B4GALT5: variants seen among roughly 807,000 people sequenced by gnomAD.
The protein encoded by B4GALT5 is UDP-Gal:beta-GlcNAc beta-1,4-galactosyltransferase 5.
A neutral mutation model predicts 45.0 loss-of-function variants in B4GALT5; 11 were observed. The observed-to-expected ratio is 0.24, with a 90% confidence interval of 0.15 to 0.40. The LOEUF (loss-of-function observed/expected upper bound fraction) is 0.40. B4GALT5 is among the 10% of genes least tolerant of loss of function. The pLI is 1.00. For missense variants in B4GALT5, 337 were observed against 500.2 expected, an observed-to-expected ratio of 0.67 and a Z score of 3.11; for synonymous variants, 185 against 182.9, an observed-to-expected ratio of 1.01 and a Z score of -0.09.
At chr20:49,694,273 G>A (rs1053521145) in intron 1 of B4GALT5, among the ~76,000 whole-genome samples, 4 of 152,000 alleles carry the variant, frequency 2.6e-5, no homozygotes, top group South Asian at 4.1e-4. Flanking sequence ...ACCTACCACC[G>A]ATTTGCGCAT....
intron 1 of B4GALT5, among the ~76,000 whole-genome samples, chr20:49,688,379 G>A (rs1378644216): frequency 6.6e-6 from 1 of 152,130 alleles, no homozygotes; most frequent in Non-Finnish European, 1.5e-5. Context: ...ACACCATGGG[G>A]GAAGGGCCCC....
chr20:49,654,240 G>A (rs1280664053), intron 2 of B4GALT5, among the ~76,000 whole-genome samples: 4 of 152,052 alleles, frequency 2.6e-5, no homozygotes, highest in Middle Eastern at 3.2e-3. Flanking sequence ...ATCAAGCTGC[G>A]CCATCTTCCC....
At chr20:49,696,248 A>T (rs1273029087) in intron 1 of B4GALT5, among the ~76,000 whole-genome samples, 1 of 152,250 alleles carries the variant, frequency 6.6e-6, no homozygotes, top group Admixed American at 6.5e-5. Context: ...AAGTCCAAAC[A>T]GGTTTCTGAG....
chr20:49,659,705 C>A (rs1047754152), intron 1 of B4GALT5, among the ~76,000 whole-genome samples: 1 of 152,148 alleles, frequency 6.6e-6, no homozygotes, highest in African/African-American at 2.4e-5. Flanking sequence ...TACTGGGGAA[C>A]TATGACCTCC....
At chr20:49,703,962 T>C (rs2085873628) in intron 1 of B4GALT5, among the ~76,000 whole-genome samples, 1 of 152,164 alleles carries the variant, frequency 6.6e-6, no homozygotes, top group African/African-American at 2.4e-5. Flanking sequence ...TCATTTTTGG[T>C]CTATCTGGTT....
chr20:49,707,562 T>C (rs1232460898), intron 1 of B4GALT5, among the ~76,000 whole-genome samples: 3 of 152,104 alleles, frequency 2.0e-5, no homozygotes, highest in Non-Finnish European at 4.4e-5. Context: ...AATCTGAAAT[T>C]TTCATGTGGT....
intron 1 of B4GALT5, among the ~76,000 whole-genome samples, chr20:49,697,741 CCCTTT>C (rs2085845490): frequency 6.6e-6 from 1 of 152,122 alleles, no homozygotes; most frequent in Admixed American, 6.5e-5. Context: ...GGGATGGAAT[CCCTTT>C]CACCTTTATA....
intron 4 of B4GALT5, 110 bp downstream of exon 4, chr20:49,643,416 G>T: frequency 7.2e-7 from 1 of 1,392,654 alleles, no homozygotes; most frequent in Non-Finnish European, 9.9e-7. Context: ...GCATGGAATG[G>T]TAGGATGAAA....
chr20:49,691,572 G>A (rs978174012), intron 1 of B4GALT5, among the ~76,000 whole-genome samples: 1 of 152,002 alleles, frequency 6.6e-6, no homozygotes, highest in African/African-American at 2.4e-5. Flanking sequence ...ATATGGTAGA[G>A]TCCACATTTT....
At chr20:49,677,519 A>G (rs1002184298) in intron 1 of B4GALT5, among the ~76,000 whole-genome samples, 1 of 152,244 alleles carries the variant, frequency 6.6e-6, no homozygotes, top group Admixed American at 6.5e-5. Flanking sequence ...TAATTATGTT[A>G]AAGTAAGTCT....
intron 1 of B4GALT5, among the ~76,000 whole-genome samples, chr20:49,708,533 T>C (rs1199647939): frequency 6.6e-6 from 1 of 152,346 alleles, no homozygotes; most frequent in Middle Eastern, 3.4e-3. Context: ...AAGCCAGCCA[T>C]AAATCAAATT....
Position 49,656,778 on chromosome 20 carries a change from ATTT to A in B4GALT5, c.116-79_116-77del, listed in dbSNP as rs536139427. The A allele has an allele frequency of 5.3e-5, 80 of 1,518,180 alleles. No homozygotes were observed. In the African/African-American group the frequency reaches 9.2e-4, roughly 18 times the overall value. 94.0% of individuals were successfully genotyped at this position (1,518,180 alleles called of 1,614,324 possible). On this transcript the variant is annotated intron_variant, in intron 1 of 8. Coordinates refer to ENST00000371711, the MANE Select transcript of B4GALT5 (RefSeq NM_004776.4). ...AAAAAAACATACCACATAGCTATGG[ATTT>A]TTTTTTCTTTTTGGACTTTTAAAGC...
In B4GALT5 at chr20:49,684,236, G is replaced by A. The variant is rs142135452; in HGVS notation, c.116-27534C>T. On this transcript the variant is annotated intron_variant, in intron 1 of 8. Transcript: ENST00000371711. Reference sequence around the variant, plus strand: ...TAAGGGAGTCTTGTATATGGTGAGCGCTAATGTGTTCATTCAGAATTTACT... The same window carrying A: ...TAAGGGAGTCTTGTATATGGTGAGCACTAATGTGTTCATTCAGAATTTACT... 2.8e-3 allele frequency among the ~76,000 whole-genome samples: 432 copies of A among 151,874 alleles called. 4 individuals are homozygous for A. The highest frequency in any genetic ancestry group is 9.9e-3 in the African/African-American group (408 of 41,400).
Position 49,687,728 on chromosome 20 carries a change from G to C in B4GALT5, c.115+25848C>G, listed in dbSNP as rs571324332. Among the ~76,000 whole-genome samples the C allele has an allele frequency of 2.3e-4, 35 of 152,124 alleles. No homozygotes were observed. The South Asian group carries it at 7.1e-3, about 31-fold the overall frequency. On this transcript the variant is annotated intron_variant, in intron 1 of 8. Coordinates refer to ENST00000371711, the MANE Select transcript of B4GALT5 (RefSeq NM_004776.4). ...CTGAATATTTCTTCCTTAGTAAATG[G>C]AGCACAGACTAGCATCACCTTTTCT...
At chr20:49,693,311 G>A (rs1007798654) in intron 1 of B4GALT5, among the ~76,000 whole-genome samples, 1 of 152,132 alleles carries the variant, frequency 6.6e-6, no homozygotes, top group African/African-American at 2.4e-5. Flanking sequence ...CCACCACAGG[G>A]ACTTTGCTAA....
At chr20:49,647,109 A>G in intron 2 of B4GALT5, 31 bp from the exon 3 acceptor site, 10 of 1,413,440 alleles carry the variant, frequency 7.1e-6, no homozygotes, top group Non-Finnish European at 9.0e-6. Flanking sequence ...AGTCGATCAG[A>G]CTGGTATGTG....
intron 1 of B4GALT5, among the ~76,000 whole-genome samples, chr20:49,680,331 T>C (rs181693958): frequency 2.2e-4 from 33 of 152,242 alleles, no homozygotes; most frequent in Non-Finnish European, 4.4e-4. Context: ...CTGTCAGAAA[T>C]AAGACTCGAT....
intron 1 of B4GALT5, among the ~76,000 whole-genome samples, chr20:49,696,443 G>A (rs1321794824): frequency 6.6e-6 from 1 of 152,158 alleles, no homozygotes; most frequent in Non-Finnish European, 1.5e-5. Context: ...CACATTATCG[G>A]TAAAGACAGC....
intron 1 of B4GALT5, among the ~76,000 whole-genome samples, chr20:49,710,094 A>G (rs2085901330): frequency 6.6e-6 from 1 of 152,248 alleles, no homozygotes; most frequent in Admixed American, 6.5e-5. Context: ...TAACATTTAT[A>G]GCTACATGAT....
Sources: allele counts gnomAD v4.1 joint callset (sites outside exome capture counted in the v4.1 genomes callset), GRCh38; gene constraint gnomAD v4.1.1; transcripts MANE v1.5; gene names NCBI Gene and HGNC (gene_info 2026-07-23, HGNC 2026-07-21).